The following THUMPD3 variants were observed in gnomAD, a reference collection of about 807,000 sequenced individuals.
THUMPD3 encodes the protein tRNA (guanine(6)-N(2))-methyltransferase THUMP3.
Under a neutral mutation model 54.5 loss-of-function variants are expected in THUMPD3, and 44 were observed. The observed-to-expected ratio is 0.81, with a 90% CI of 0.63 to 1.04. THUMPD3 has a LOEUF of 1.04. Ranked by LOEUF, THUMPD3 falls within the 50% of genes least tolerant of loss-of-function variation. The probability of loss-of-function intolerance (pLI) is 0.00; values close to 1 mark genes in which losing one functional copy is unlikely to be tolerated. For synonymous variants in THUMPD3, 196 were observed against 201.4 expected, an observed-to-expected ratio of 0.97 and a Z score of 0.23; for missense variants, 604 against 601.3, an observed-to-expected ratio of 1.00 and a Z score of -0.05.
At chr3:9,364,178 C>T (rs1342778660) in intron 1 of THUMPD3, 3 of 151,952 alleles carry the variant, frequency 2.0e-5, no homozygotes, top group East Asian at 1.9e-4. Flanking sequence ...TGTCTCCTAA[C>T]GACTCTAGGA....
intron 6 of THUMPD3, among the ~76,000 whole-genome samples, chr3:9,379,214 GAAA>G (rs527878522): frequency 7.2e-6 from 1 of 139,064 alleles, no homozygotes. Context: ...ATAGGTTTAG[GAAA>G]AAAAAAAAAG....
Position 9,365,202 on chromosome 3 carries a change from C to T in THUMPD3, c.134C>T (p.Pro45Leu). ...CTAGTCACTATTGGAGCCACTGTAC[C>T]TACTGGCTTTGAGCAAACAGCTGCA... Reference protein sequence around the residue: ...ELLVTIGATVPTGFEQTAADE... With the variant: ...ELLVTIGATVLTGFEQTAADE... Residue 45 changes from proline (P) to leucine (L), a missense_variant, in exon 2 of 10, where the codon CCT (proline) becomes CTT (leucine). Coordinates refer to ENST00000452837, the MANE Select transcript of THUMPD3 (RefSeq NM_001114092.2). 1.2e-6 allele frequency: 2 copies of T among 1,614,148 alleles called. No homozygotes were observed. Among genetic ancestry groups the T allele is most frequent in the Non-Finnish European group, 1.7e-6 (2 of 1,180,028 alleles).
intron 3 of THUMPD3, among the ~76,000 whole-genome samples, chr3:9,370,617 G>A (rs145299524): frequency 1.3e-5 from 2 of 152,164 alleles, no homozygotes; most frequent in Admixed American, 6.5e-5. Flanking sequence ...GTTAATTTTT[G>A]TATTTTTTTG....
At chr3:9,381,756 CTTTTTTTTTTTTTTTTTT>C (rs753480713) in intron 7 of THUMPD3, among the ~76,000 whole-genome samples, 6 of 44,368 alleles carry the variant, frequency 1.4e-4, no homozygotes, top group Admixed American at 6.6e-4. Flanking sequence ...TCAACCCGTA[CTTTTTTTTTTTTTTTTTT>C]TTTTTTTTTT....
At position 9,384,720 on chromosome 3, in the gene THUMPD3, C is replaced by G; in HGVS notation, c.*32C>G. The G allele has an allele frequency of 6.2e-7, 1 of 1,610,622 alleles. No homozygotes were observed. The highest frequency in any genetic ancestry group is 8.5e-7 in the Non-Finnish European group (1 of 1,177,532). On this transcript the variant is annotated 3_prime_UTR_variant, in exon 10 of 10. Transcript: ENST00000452837. ...CTAATAGTACTTGTACTTCCCACCA[C>G]TGGAAATGTTAGCATAAAAGAACTT... is the stretch of plus-strand genomic sequence containing the variant.
chr3:9,371,090 G>A lies in THUMPD3; in HGVS notation c.361G>A (p.Ala121Thr). The A allele has an allele frequency of 6.3e-7, 1 of 1,575,366 alleles. No individual in the cohort carries two copies. The highest frequency in any genetic ancestry group is 8.6e-7 in the Non-Finnish European group (1 of 1,168,418). ...EEVLKDFEDLAGKLPWSNPLK... is the reference protein window; with the variant it reads ...EEVLKDFEDLTGKLPWSNPLK... ...AGTTCTAAAGGATTTTGAAGACTTG[G>A]CTGGAAAACTCCCATGGTCAAACCC... Residue 121 changes from alanine to threonine, a missense_variant, in exon 4 of 10, where the codon GCT (alanine) becomes ACT (threonine). Transcript: ENST00000452837.
At position 9,380,638 on chromosome 3, in the gene THUMPD3, C is replaced by G; in HGVS notation, c.1124+20C>G. 1 of 1,527,388 alleles carries G rather than the reference C, an allele frequency of 6.5e-7. No individual in the cohort carries two copies. The highest frequency in any genetic ancestry group is 9.0e-7 in the Non-Finnish European group (1 of 1,107,806). The allele number at this position is 1,527,388 out of a possible 1,614,324, so 94.6% of individuals were successfully genotyped here. On this transcript the variant is annotated intron_variant, in intron 7 of 9. Coordinates refer to ENST00000452837, the MANE Select transcript of THUMPD3 (RefSeq NM_001114092.2). ...AGAAGGGTAAAAATTTAAAAGATTT[C>G]TTAGCATCTTTTAGAGTTAGAGAAT...
chr3:9,383,158 G>T (rs779337931), intron 7 of THUMPD3, 41 bp from the exon 8 acceptor site: 1 of 1,389,474 alleles, frequency 7.2e-7, no homozygotes, highest in South Asian at 1.2e-5. Flanking sequence ...ATAACTTTAT[G>T]CTTCACAGTA....
intron 6 of THUMPD3, among the ~76,000 whole-genome samples, chr3:9,378,149 G>A (rs766915629): frequency 3.9e-5 from 6 of 152,220 alleles, no homozygotes; most frequent in Admixed American, 1.3e-4. Flanking sequence ...ACAAACTGCC[G>A]ATGAGTCCTC....
intron 3 of THUMPD3, among the ~76,000 whole-genome samples, chr3:9,368,464 G>A (rs1469767782): frequency 2.0e-5 from 3 of 150,022 alleles, no homozygotes; most frequent in Non-Finnish European, 4.4e-5. Context: ...CTGGGTTCAA[G>A]CGATTCTCCT....
At chr3:9,365,841 C>T (rs941061815) in intron 2 of THUMPD3, among the ~76,000 whole-genome samples, 8 of 152,090 alleles carry the variant, frequency 5.3e-5, no homozygotes, top group African/African-American at 1.2e-4. Context: ...CCACCCGCCT[C>T]GACCTCCCAA....
intron 7 of THUMPD3, among the ~76,000 whole-genome samples, chr3:9,381,632 G>A (rs1410086880): frequency 1.4e-5 from 2 of 143,228 alleles, no homozygotes; most frequent in East Asian, 2.1e-4. Context: ...TTTTTTTAAT[G>A]AGCCTAGTAT....
chr3:9,383,021 C>T (rs2033040626), intron 7 of THUMPD3, 178 bp from the exon 8 acceptor site: 1 of 492,948 alleles, frequency 2.0e-6, no homozygotes, highest in African/African-American at 1.9e-5. Context: ...GCTACCATGC[C>T]CAGCCTGACC....
At chr3:9,381,084 A>T (rs2032850426) in intron 7 of THUMPD3, among the ~76,000 whole-genome samples, 1 of 152,140 alleles carries the variant, frequency 6.6e-6, no homozygotes, top group Non-Finnish European at 1.5e-5. Context: ...GGCATGTGCC[A>T]CCATGCCCAG....
intron 7 of THUMPD3, chr3:9,382,886 CCTG>C (rs930635134): frequency 3.9e-5 from 8 of 206,990 alleles, no homozygotes; most frequent in Non-Finnish European, 6.0e-5. Flanking sequence ...GCCATCATGC[CCTG>C]CTAACTTCTT....
intron 4 of THUMPD3, 90 bp downstream of exon 4, chr3:9,371,626 C>A: frequency 3.6e-6 from 4 of 1,125,012 alleles, no homozygotes; most frequent in Non-Finnish European, 5.2e-6. Context: ...CACAATTAAA[C>A]TGAGGAAATA....
At chr3:9,375,993 T>G (rs575118759) in intron 5 of THUMPD3, among the ~76,000 whole-genome samples, 13 of 152,354 alleles carry the variant, frequency 8.5e-5, no homozygotes, top group African/African-American at 3.1e-4. Context: ...TCCTAACATA[T>G]TAATTCAATG....
chr3:9,381,753 G>A lies in THUMPD3; in HGVS notation c.1124+1135G>A, dbSNP rs560756887. Reference sequence around the variant, plus strand: ...TGTACCTACACTGTCTGTTCAACCCGTACTTTTTTTTTTTTTTTTTTTTTT... The same window carrying A: ...TGTACCTACACTGTCTGTTCAACCCATACTTTTTTTTTTTTTTTTTTTTTT... On this transcript the variant is annotated intron_variant, in intron 7 of 9. Coordinates refer to ENST00000452837, the MANE Select transcript of THUMPD3 (RefSeq NM_001114092.2). Among the ~76,000 whole-genome samples, 52 of 70,410 alleles carry A rather than the reference G, an allele frequency of 7.4e-4. 1 individual carries two copies. The East Asian group carries it at 0.022, about 29-fold the overall frequency. 46.2% of individuals were successfully genotyped at this position (70,410 alleles called of 152,430 possible). A position where few individuals can be genotyped will look rare whatever the true frequency, so the allele number is the denominator to read the frequency against.
At chr3:9,372,032 C>A (rs1250399831) in intron 4 of THUMPD3, among the ~76,000 whole-genome samples, 2 of 152,150 alleles carry the variant, frequency 1.3e-5, no homozygotes, top group East Asian at 1.9e-4. Context: ...CATGCCACCA[C>A]ACCTGGCTAA....
Sources: allele counts gnomAD v4.1 joint callset (sites outside exome capture counted in the v4.1 genomes callset), GRCh38; gene constraint gnomAD v4.1.1; transcripts MANE v1.5; gene names NCBI Gene and HGNC (gene_info 2026-07-23, HGNC 2026-07-21).